AKAP6: variants seen among roughly 807,000 people sequenced by gnomAD.
AKAP6 encodes A-kinase anchor protein 6.
A neutral mutation model predicts 188.5 loss-of-function variants in AKAP6; 58 were observed. The observed-to-expected ratio is 0.31, with a 90% CI of 0.25 to 0.38. The LOEUF (loss-of-function observed/expected upper bound fraction) is 0.38. Among genes scored for constraint, AKAP6 ranks in the 10% least tolerant of loss-of-function variants. The pLI, the probability that AKAP6 is intolerant of heterozygous loss-of-function variation, is 1.00. For missense variants in AKAP6, 2,710 were observed against 2,740.0 expected, an observed-to-expected ratio of 0.99 and a Z score of 0.24; for synonymous variants, 989 against 998.6, an observed-to-expected ratio of 0.99 and a Z score of 0.18.
intron 7 of AKAP6, among the ~76,000 whole-genome samples, chr14:32,606,987 C>CT (rs1886150949): frequency 6.6e-6 from 1 of 152,076 alleles, no homozygotes; most frequent in Non-Finnish European, 1.5e-5. Context: ...GAGGGCAAGT[C>CT]TAGTGTTAGC....
rs35147196 is a variant in AKAP6, at chr14:32,330,713, ATTTTTTTTTTTTT to A, written c.-35+1323_-35+1335del. On this transcript the variant is annotated intron_variant, in intron 1 of 13. Coordinates refer to ENST00000280979, the MANE Select transcript of AKAP6 (RefSeq NM_004274.5). ...CAATACCTTTAGCTAGCTTGGAGTG[ATTTTTTTTTTTTT>A]TTTTTTTTTTTTTTTTTGCACAGAG... Among the ~76,000 whole-genome samples, 22 of 62,408 alleles carry A rather than the reference ATTTTTTTTTTTTT, an allele frequency of 3.5e-4. 1 individual carries two copies. The highest frequency in any genetic ancestry group is 1.0e-3 in the East Asian group (2 of 1,974). The allele number at this position is 62,408 out of a possible 152,430, so 40.9% of individuals were successfully genotyped here. A position where few individuals can be genotyped will look rare whatever the true frequency, so the allele number is the denominator to read the frequency against.
intron 7 of AKAP6, among the ~76,000 whole-genome samples, chr14:32,663,530 T>C (rs1446745645): frequency 2.1e-5 from 3 of 145,070 alleles, no homozygotes; most frequent in East Asian, 3.9e-4. Context: ...CAGATCACCA[T>C]GGGAAGTAAC....
chr14:32,828,031 A>G (rs2034718352), intron 13 of AKAP6, among the ~76,000 whole-genome samples: 2 of 152,028 alleles, frequency 1.3e-5, no homozygotes, highest in South Asian at 4.2e-4. Context: ...CAGTGCATAT[A>G]TTTCCTTTAG....
intron 9 of AKAP6, among the ~76,000 whole-genome samples, chr14:32,703,258 A>G (rs1454739447): frequency 3.3e-5 from 5 of 152,100 alleles, no homozygotes. Flanking sequence ...AGCAGGCATT[A>G]GCTATGTTTG....
chr14:32,728,876 G>A (rs1403311430), intron 9 of AKAP6, among the ~76,000 whole-genome samples: 1 of 152,058 alleles, frequency 6.6e-6, no homozygotes, highest in Admixed American at 6.6e-5. Context: ...AGGGAGCTTT[G>A]GGGGCAAGGT....
chr14:32,459,383 C>T (rs1211218161), intron 2 of AKAP6, among the ~76,000 whole-genome samples: 1 of 151,438 alleles, frequency 6.6e-6, no homozygotes, highest in Admixed American at 6.6e-5. Flanking sequence ...TACTACAATT[C>T]AGTAAAAAAA....
chr14:32,381,034 T>C (rs1888338408), intron 1 of AKAP6, among the ~76,000 whole-genome samples: 1 of 152,036 alleles, frequency 6.6e-6, no homozygotes, highest in Admixed American at 6.6e-5. Context: ...AATTTAAAGA[T>C]ACGTATTAAT....
intron 2 of AKAP6, among the ~76,000 whole-genome samples, chr14:32,503,862 AT>A (rs530686832): frequency 6.6e-6 from 1 of 151,712 alleles, no homozygotes; most frequent in Non-Finnish European, 1.5e-5. Flanking sequence ...CCTATTGTCC[AT>A]TTTTTTGTTA....
At chr14:32,340,303 C>T (rs1177869851) in intron 1 of AKAP6, among the ~76,000 whole-genome samples, 1 of 152,018 alleles carries the variant, frequency 6.6e-6, no homozygotes, top group Non-Finnish European at 1.5e-5. Context: ...AATTTTCTTG[C>T]ATCTGCAATA....
chr14:32,718,007 T>C (rs768508363), intron 9 of AKAP6, among the ~76,000 whole-genome samples: 9 of 152,162 alleles, frequency 5.9e-5, no homozygotes, highest in Middle Eastern at 3.2e-3. Context: ...CATTCTTGAC[T>C]TTATTTACAT....
intron 2 of AKAP6, among the ~76,000 whole-genome samples, chr14:32,513,037 C>T (rs1299946258): frequency 1.3e-5 from 2 of 152,154 alleles, no homozygotes; most frequent in Admixed American, 6.5e-5. Flanking sequence ...GATGTCTTTA[C>T]TCCCCCAGTA....
chr14:32,582,217 T>C (rs1594760054), intron 5 of AKAP6, among the ~76,000 whole-genome samples: 1 of 152,192 alleles, frequency 6.6e-6, no homozygotes, highest in Non-Finnish European at 1.5e-5. Context: ...CAGCATTTGC[T>C]TGTCTGTAAA....
At chr14:32,509,424 G>A (rs1479047931) in intron 2 of AKAP6, among the ~76,000 whole-genome samples, 2 of 152,034 alleles carry the variant, frequency 1.3e-5, no homozygotes, top group Admixed American at 1.3e-4. Context: ...ATTGTTTGGG[G>A]CTCTTAAGGA....
Position 32,703,218 on chromosome 14 carries a change from A to C in AKAP6, c.3000+7108A>C, listed in dbSNP as rs556428198. Among the ~76,000 whole-genome samples the C allele has an allele frequency of 9.5e-4, 145 of 152,012 alleles. 3 individuals carry two copies. Among genetic ancestry groups the C allele is most frequent in the Admixed American group, 4.6e-4 (7 of 15,244 alleles). The stretch of plus-strand genomic sequence containing the variant: ...GGGCTTGGATGGAGAGTGGAGAGTG[A>C]GGGGAGAGAAAGGGAGAGAGGGAAA... On this transcript the variant is annotated intron_variant, in intron 9 of 13. Coordinates refer to ENST00000280979, the MANE Select transcript of AKAP6 (RefSeq NM_004274.5).
intron 7 of AKAP6, among the ~76,000 whole-genome samples, chr14:32,612,433 T>A (rs901152949): frequency 1.3e-5 from 2 of 152,162 alleles, no homozygotes; most frequent in Non-Finnish European, 2.9e-5. Flanking sequence ...GAACCCTACT[T>A]TATCATCTCA....
intron 4 of AKAP6, among the ~76,000 whole-genome samples, chr14:32,548,931 T>C (rs1487810418): frequency 6.6e-6 from 1 of 152,176 alleles, no homozygotes; most frequent in East Asian, 1.9e-4. Flanking sequence ...TTACATCCAT[T>C]CGTTGTCGAA....
In AKAP6 at chr14:32,786,310, T is replaced by TTGTTTTTTTTTTG. The variant is rs1566710302; in HGVS notation, c.3588+12418_3588+12419insGTTTTTTTTTTGT. 2.1e-5 allele frequency among the ~76,000 whole-genome samples: 2 copies of TTGTTTTTTTTTTG among 95,256 alleles called. 1 individual carries two copies. Among genetic ancestry groups the TTGTTTTTTTTTTG allele is most frequent in the African/African-American group, 7.6e-5 (2 of 26,450 alleles). 62.5% of individuals were successfully genotyped at this position (95,256 alleles called of 152,430 possible). Reference sequence around the variant, plus strand: ...CCTAAACCTTTATCTTTTTTTTTTTTTTTTTTTTTTTTTTTGAGACGGAAT... The same window carrying TTGTTTTTTTTTTG: ...CCTAAACCTTTATCTTTTTTTTTTTTTGTTTTTTTTTTGTTTTTTTTTTTTTTTGAGACGGAAT... On this transcript the variant is annotated intron_variant, in intron 12 of 13. Coordinates refer to ENST00000280979, the MANE Select transcript of AKAP6 (RefSeq NM_004274.5).
chr14:32,362,875 GAGACA>G (rs1279692470), intron 1 of AKAP6, among the ~76,000 whole-genome samples: 1 of 152,178 alleles, frequency 6.6e-6, no homozygotes, highest in Non-Finnish European at 1.5e-5. Flanking sequence ...TAGGTCAGGT[GAGACA>G]AGACAAGGGC....
At chr14:32,740,800 G>T (rs1356563424) in intron 11 of AKAP6, among the ~76,000 whole-genome samples, 1 of 151,706 alleles carries the variant, frequency 6.6e-6, no homozygotes, top group Non-Finnish European at 1.5e-5. Flanking sequence ...TTGAAGTCAG[G>T]TATACAGTTT....
Sources: gnomAD v4.1 joint callset for allele counts (sites outside exome capture counted in the v4.1 genomes callset) on GRCh38, gnomAD v4.1.1 for gene constraint, MANE v1.5 for transcripts, NCBI Gene and HGNC (gene_info 2026-07-23, HGNC 2026-07-21) for gene names.